Variants in ADAM23 observed in about 807,000 individuals in gnomAD.
ADAM23 encodes disintegrin and metalloproteinase domain-containing protein 23.
ADAM23 carries 33 observed loss-of-function variants against 120.1 expected under a neutral mutation model. The ratio of observed to expected loss-of-function variants is 0.27; its 90% CI spans 0.21 to 0.37. ADAM23 has a LOEUF of 0.37. ADAM23 is among the 10% of genes least tolerant of loss of function. The pLI, the probability that ADAM23 is intolerant of heterozygous loss-of-function variation, is 1.00. For missense variants in ADAM23, 862 were observed against 1,058.2 expected, an observed-to-expected ratio of 0.81 and a Z score of 2.57; for synonymous variants, 367 against 375.2, an observed-to-expected ratio of 0.98 and a Z score of 0.25.
intron 24 of ADAM23, among the ~76,000 whole-genome samples, chr2:206,598,883 G>A (rs1698581598): frequency 6.6e-6 from 1 of 151,708 alleles, no homozygotes; most frequent in African/African-American, 2.4e-5. Context: ...CTGGGTGATA[G>A]AGTGAGACAC....
At chr2:206,484,576 A>G (rs1695967678) in intron 3 of ADAM23, among the ~76,000 whole-genome samples, 1 of 152,196 alleles carries the variant, frequency 6.6e-6, no homozygotes, top group African/African-American at 2.4e-5. Flanking sequence ...AATACTCATG[A>G]ATAACTTGCA....
chr2:206,587,321 G>T lies in ADAM23; in HGVS notation c.1738-4G>T. 1 of 1,603,220 alleles carries T rather than the reference G, an allele frequency of 6.2e-7. No individual in the cohort carries two copies. The highest frequency in any genetic ancestry group is 8.5e-7 in the Non-Finnish European group (1 of 1,172,870). ...ATATTAACTAAAAAGATAATATTTT[G>T]CAGTGCCCACCAAATCTTCATAAGC... On this transcript the variant is annotated splice_region_variant and splice_polypyrimidine_tract_variant and intron_variant, in intron 18 of 25. Coordinates refer to ENST00000264377, the MANE Select transcript of ADAM23 (RefSeq NM_003812.4).
chr2:206,550,148 T>C lies in ADAM23; in HGVS notation c.921T>C (p.Asn307=). 4 of 1,580,848 alleles carry C rather than the reference T, an allele frequency of 2.5e-6. No homozygotes were observed. The highest frequency in any genetic ancestry group is 3.5e-6 in the Non-Finnish European group (4 of 1,153,536). Residue 307 remains asparagine, a synonymous_variant, in exon 9 of 26, where the codon AAT becomes AAC. Coordinates refer to ENST00000264377, the MANE Select transcript of ADAM23 (RefSeq NM_003812.4). The part of the protein sequence containing the change: ...EMKYLELMIV[N]DHKTYKKHRS... ...AATATTTGGAACTTATGATTGTTAA[T>C]GATCACAAAACGGTAAGAATATAGA... is the stretch of plus-strand genomic sequence containing the variant.
At chr2:206,473,539 C>T (rs1695705591) in intron 2 of ADAM23, among the ~76,000 whole-genome samples, 2 of 150,196 alleles carry the variant, frequency 1.3e-5, no homozygotes, top group South Asian at 4.2e-4. Flanking sequence ...GAGTTCAAGA[C>T]CAGCTGGGGC....
intron 24 of ADAM23, among the ~76,000 whole-genome samples, chr2:206,600,075 A>G (rs978341889): frequency 5.3e-5 from 8 of 152,208 alleles, no homozygotes; most frequent in South Asian, 2.1e-4. Flanking sequence ...GGTGGCAGGC[A>G]CCTGTAGTCC....
chr2:206,596,457 A>G (rs1471610207), intron 24 of ADAM23, among the ~76,000 whole-genome samples: 1 of 152,184 alleles, frequency 6.6e-6, no homozygotes, highest in Non-Finnish European at 1.5e-5. Context: ...CTGTAGTCAC[A>G]AATTATTTTG....
At chr2:206,511,108 G>C in intron 3 of ADAM23, among the ~76,000 whole-genome samples, 1 of 151,658 alleles carries the variant, frequency 6.6e-6, no homozygotes. Context: ...CTGTATTTTC[G>C]TTGTTTTTCC....
intron 3 of ADAM23, among the ~76,000 whole-genome samples, chr2:206,484,705 T>A (rs1695970338): frequency 6.6e-6 from 1 of 152,188 alleles, no homozygotes; most frequent in South Asian, 2.1e-4. Flanking sequence ...AGAGAGGCCA[T>A]GAGAGCTGCA....
At chr2:206,585,701 G>A (rs144605944) in intron 18 of ADAM23, among the ~76,000 whole-genome samples, 1 of 152,236 alleles carries the variant, frequency 6.6e-6, no homozygotes, top group Non-Finnish European at 1.5e-5. Flanking sequence ...TACTAGGGCA[G>A]CAGTAAGGAA....
At chr2:206,467,617 A>G (rs1310311866) in intron 2 of ADAM23, among the ~76,000 whole-genome samples, 1 of 152,190 alleles carries the variant, frequency 6.6e-6, no homozygotes, top group Non-Finnish European at 1.5e-5. Flanking sequence ...TGGCTTTTAC[A>G]GGCACAGGGT....
intron 2 of ADAM23, among the ~76,000 whole-genome samples, chr2:206,457,878 G>A (rs1695330520): frequency 6.6e-6 from 1 of 152,064 alleles, no homozygotes; most frequent in Non-Finnish European, 1.5e-5. Context: ...ATTATAACTG[G>A]TTAATATACC....
At position 206,550,090 on chromosome 2, in the gene ADAM23, C is replaced by T. The variant is rs371228884; in HGVS notation, c.868-5C>T. 389 of 1,547,054 alleles carry T rather than the reference C, an allele frequency of 2.5e-4. No individual in the cohort carries two copies. The highest frequency in any genetic ancestry group is 3.1e-4 in the Non-Finnish European group (354 of 1,125,784). On this transcript the variant is annotated splice_polypyrimidine_tract_variant and splice_region_variant and intron_variant, in intron 8 of 25. Coordinates refer to ENST00000264377, the MANE Select transcript of ADAM23 (RefSeq NM_003812.4). ...ATTCTGACCATATATTTTTATTTTCCGTAGCCATCACGTGGTATATTTGAA... is the reference window on the plus strand; with the variant it reads ...ATTCTGACCATATATTTTTATTTTCTGTAGCCATCACGTGGTATATTTGAA...
At chr2:206,533,974 A>AT (rs1235756138) in intron 4 of ADAM23, among the ~76,000 whole-genome samples, 3 of 152,136 alleles carry the variant, frequency 2.0e-5, no homozygotes, top group African/African-American at 7.2e-5. Flanking sequence ...TATTTTGTTG[A>AT]TTTTTTTACA....
At chr2:206,591,889 C>T (rs1421491532) in intron 21 of ADAM23, among the ~76,000 whole-genome samples, 2 of 152,112 alleles carry the variant, frequency 1.3e-5, no homozygotes, top group African/African-American at 2.4e-5. Context: ...ATTTGCATTT[C>T]CCCAGATTAC....
At chr2:206,573,624 TAA>T (rs34558052) in intron 18 of ADAM23, among the ~76,000 whole-genome samples, 1 of 141,860 alleles carries the variant, frequency 7.0e-6, no homozygotes. Flanking sequence ...TACTTAACAG[TAA>T]AAAAAAAAAA....
chr2:206,523,587 A>G (rs901769385), intron 3 of ADAM23, among the ~76,000 whole-genome samples: 1 of 152,174 alleles, frequency 6.6e-6, no homozygotes. Flanking sequence ...TTTAGCTGAA[A>G]CAACTTTTGG....
chr2:206,615,407 G>C (rs1698917065), intron 25 of ADAM23, among the ~76,000 whole-genome samples: 1 of 152,232 alleles, frequency 6.6e-6, no homozygotes, highest in South Asian at 2.1e-4. Flanking sequence ...CGCAGTAGTT[G>C]TACTTTCACA....
intron 20 of ADAM23, 23 bp from the exon 21 acceptor site, chr2:206,589,386 C>G (rs771884634): frequency 6.3e-7 from 1 of 1,598,290 alleles, no homozygotes; most frequent in Admixed American, 1.7e-5. Flanking sequence ...AATTAATTTT[C>G]TTCTCTTGCC....
rs189383721 is a variant in ADAM23, at chr2:206,591,828, T to C, written c.1959-789T>C. ...CCAACACTTGGTATTATCAGACTTT[T>C]TGCTTTTATCTGTTCTGGTGGGTGT... On this transcript the variant is annotated intron_variant, in intron 21 of 25. Coordinates refer to ENST00000264377, the MANE Select transcript of ADAM23 (RefSeq NM_003812.4). 6.6e-5 allele frequency among the ~76,000 whole-genome samples: 10 copies of C among 152,330 alleles called. No homozygotes were observed. In the East Asian group the frequency reaches 1.7e-3, roughly 26 times the overall value.
Sources: gnomAD v4.1 joint callset for allele counts (sites outside exome capture counted in the v4.1 genomes callset) on GRCh38, gnomAD v4.1.1 for gene constraint, MANE v1.5 for transcripts, NCBI Gene and HGNC (gene_info 2026-07-23, HGNC 2026-07-21) for gene names.